Variants in CDH23 observed in about 807,000 individuals in gnomAD.
The protein encoded by CDH23 is cadherin-23.
In CDH23, 189 loss-of-function variants were observed where a neutral mutation model predicts 317.1. The ratio of observed to expected loss-of-function variants is 0.60; its 90% CI spans 0.53 to 0.67. CDH23 has a LOEUF of 0.67. Ranked by LOEUF, CDH23 falls within the 30% of genes least tolerant of loss-of-function variation. CDH23 has a pLI of 0.00. For synonymous variants in CDH23, 1,839 were observed against 1,876.8 expected (o/e 0.98, Z 0.52); for missense variants, 4,401 against 4,592.4 (o/e 0.96, Z 1.20).
chr10:71,413,255 T>C (rs898546527), intron 1 of CDH23, among the ~76,000 whole-genome samples: 8 of 152,228 alleles, frequency 5.3e-5, no homozygotes, highest in Admixed American at 5.2e-4. Flanking sequence ...CATTGAATGA[T>C]CTTAGCACCC....
At chr10:71,489,779 A>G (rs1852551112) in intron 3 of CDH23, among the ~76,000 whole-genome samples, 1 of 152,142 alleles carries the variant, frequency 6.6e-6, no homozygotes, top group Non-Finnish European at 1.5e-5. Context: ...ACTACTTTAA[A>G]TTAAATTCTT....
chr10:71,611,469 G>T (rs61385558), intron 9 of CDH23, among the ~76,000 whole-genome samples: 1 of 152,200 alleles, frequency 6.6e-6, no homozygotes, highest in Non-Finnish European at 1.5e-5. Context: ...CTGGGGTGGT[G>T]GGGAGAGACC....
intron 6 of CDH23, among the ~76,000 whole-genome samples, chr10:71,538,246 T>C (rs999034689): frequency 6.6e-6 from 1 of 152,184 alleles, no homozygotes; most frequent in Non-Finnish European, 1.5e-5. Flanking sequence ...GCTGAGAACT[T>C]CTCACAGTCT....
chr10:71,595,897 G>A (rs1256153228), intron 9 of CDH23, among the ~76,000 whole-genome samples: 5 of 152,168 alleles, frequency 3.3e-5, no homozygotes, highest in East Asian at 1.9e-4. Context: ...AGGTGACCAC[G>A]TGACTCCAAT....
In CDH23 at chr10:71,812,985, T is replaced by C. The variant is rs569631832; in HGVS notation, c.9633+95T>C. The C allele has an allele frequency of 7.1e-6, 11 of 1,545,730 alleles. No homozygotes were observed. In the African/African-American group the frequency reaches 1.1e-4, roughly 15 times the overall value. ...GGTGGTAGAGACCTCCAGGCTCAGC[T>C]AGACCCACCCTCCACTGGGGCGAGA... is the stretch of plus-strand genomic sequence containing the variant. On this transcript the variant is annotated intron_variant, in intron 68 of 69. Coordinates refer to ENST00000224721, the MANE Select transcript of CDH23 (RefSeq NM_022124.6).
chr10:71,555,393 A>C (rs1019342439), intron 6 of CDH23, among the ~76,000 whole-genome samples: 1 of 152,164 alleles, frequency 6.6e-6, no homozygotes. Context: ...AGCATTCTTT[A>C]TAACGTGAAA....
Position 71,793,567 on chromosome 10 carries a change from C to T in CDH23, c.6639C>T (p.Gly2213=). ...LNPKLEYHIV[G]IVAKDDTDRL... is the part of the protein sequence containing the mutation. ...CAAAGCTAGAGTACCACATTGTCGG[C>T]ATTGTGGCCAAGGACGACACTGATC... The change falls in exon 48 of 70, where the codon GGC becomes GGT. Residue 2213 remains glycine (G), a synonymous_variant. Transcript: ENST00000224721. 6.2e-7 allele frequency: 1 copy of T among 1,612,888 alleles called. No individual in the cohort carries two copies. The highest frequency in any genetic ancestry group is 8.5e-7 in the Non-Finnish European group (1 of 1,179,216).
chr10:71,707,227 G>T, intron 26 of CDH23, 178 bp downstream of exon 26: 1 of 1,480,472 alleles, frequency 6.8e-7, no homozygotes. Context: ...CTCTTCCCAA[G>T]GGCTTTGCAG....
At chr10:71,717,071 C>T (rs1866291735) in intron 28 of CDH23, 1 of 152,292 alleles carries the variant, frequency 6.6e-6, no homozygotes, top group Admixed American at 6.5e-5. Flanking sequence ...GTGGGGATTC[C>T]TGTGACTGCT....
At chr10:71,565,028 G>A (rs1857321795) in intron 6 of CDH23, among the ~76,000 whole-genome samples, 1 of 152,238 alleles carries the variant, frequency 6.6e-6, no homozygotes, top group Non-Finnish European at 1.5e-5. Flanking sequence ...GGGGCTGGCA[G>A]CTCTGAAATC....
chr10:71,667,252 G>A (rs984570614), intron 14 of CDH23, among the ~76,000 whole-genome samples: 1 of 152,160 alleles, frequency 6.6e-6, no homozygotes, highest in African/African-American at 2.4e-5. Context: ...TGGTCTGCAG[G>A]GACAGACACC....
intron 48 of CDH23, chr10:71,794,700 G>A (rs1041640251): frequency 6.6e-6 from 1 of 152,240 alleles, no homozygotes; most frequent in Non-Finnish European, 1.5e-5. Context: ...TGGTGACCGT[G>A]TGGGGACATG....
At chr10:71,762,016 T>C in intron 38 of CDH23, 8 of 1,602,158 alleles carry the variant, frequency 5.0e-6, no homozygotes, top group Non-Finnish European at 5.1e-6. Context: ...CCTTGAAGGC[T>C]GCCACCGGAC....
At chr10:71,456,303 A>T (rs1850692224) in intron 3 of CDH23, among the ~76,000 whole-genome samples, 2 of 151,606 alleles carry the variant, frequency 1.3e-5, no homozygotes, top group African/African-American at 4.9e-5. Context: ...TCTCCCTTCT[A>T]GGAGTTGGGG....
chr10:71,419,699 A>G (rs975125717), intron 1 of CDH23, among the ~76,000 whole-genome samples: 17 of 152,320 alleles, frequency 1.1e-4, no homozygotes, highest in Admixed American at 5.9e-4. Flanking sequence ...TCCTTCCATC[A>G]GACCATTGTT....
At chr10:71,590,884 A>AC (rs1564673833) in intron 9 of CDH23, among the ~76,000 whole-genome samples, 4 of 71,612 alleles carry the variant, frequency 5.6e-5, no homozygotes, top group African/African-American at 1.9e-4. Context: ...AAAAAAAAAA[A>AC]AACAAAAAAA....
intron 6 of CDH23, among the ~76,000 whole-genome samples, chr10:71,548,362 G>A (rs1410275299): frequency 1.3e-5 from 2 of 152,134 alleles, no homozygotes; most frequent in African/African-American, 4.8e-5. Context: ...GGAATATCTC[G>A]AGGTCCAGGA....
chr10:71,673,978 G>T (rs966582193), intron 14 of CDH23, among the ~76,000 whole-genome samples: 28 of 152,142 alleles, frequency 1.8e-4, no homozygotes, highest in African/African-American at 6.8e-4. Flanking sequence ...AGCCTGGCTG[G>T]GGTGGTGGCG....
At chr10:71,549,767 A>G (rs1304802568) in intron 6 of CDH23, among the ~76,000 whole-genome samples, 1 of 152,166 alleles carries the variant, frequency 6.6e-6, no homozygotes, top group Non-Finnish European at 1.5e-5. Flanking sequence ...TTGGGGCCTC[A>G]CTTACTGCCC....
Sources: gnomAD v4.1 joint callset for allele counts (sites outside exome capture counted in the v4.1 genomes callset) on GRCh38, gnomAD v4.1.1 for gene constraint, MANE v1.5 for transcripts, NCBI Gene and HGNC (gene_info 2026-07-23, HGNC 2026-07-21) for gene names.